Variants in ANKRD42 observed in about 807,000 individuals in gnomAD.
The protein encoded by ANKRD42 is ankyrin repeat domain-containing protein 42.
ANKRD42 carries 43 observed loss-of-function variants against 51.5 expected under a neutral mutation model. The ratio of observed to expected loss-of-function variants is 0.83; its 90% CI spans 0.65 to 1.08. The LOEUF is 1.08. Among genes scored for constraint, ANKRD42 ranks in the 50% least tolerant of loss-of-function variants. The probability of loss-of-function intolerance (pLI) is 0.00; values close to 1 mark genes in which losing one functional copy is unlikely to be tolerated. For missense variants in ANKRD42, 608 were observed against 629.3 expected, an observed-to-expected ratio of 0.97 and a Z score of 0.36; for synonymous variants, 203 against 213.0, an observed-to-expected ratio of 0.95 and a Z score of 0.41.
downstream of ANKRD42, chr11:83,259,002 TGTATTACGCTCACTCA>T: frequency 6.6e-6 from 1 of 152,162 alleles, no homozygotes; most frequent in East Asian, 1.9e-4. Context: ...GCCTAAAAGG[TGTATTACGCTCACTCA>T]GTATGAATGC....
intron 2 of ANKRD42, among the ~76,000 whole-genome samples, chr11:83,203,722 C>T (rs1861960037): frequency 6.6e-6 from 1 of 152,042 alleles, no homozygotes; most frequent in South Asian, 2.1e-4. Flanking sequence ...TACGTTAACA[C>T]CTTTACAGTT....
At chr11:83,210,801 A>G (rs1862285599) in intron 4 of ANKRD42, among the ~76,000 whole-genome samples, 1 of 152,186 alleles carries the variant, frequency 6.6e-6, no homozygotes, top group South Asian at 2.1e-4. Context: ...TTAGAAAGTG[A>G]TTTATTTCTT....
chr11:83,216,172 G>T (rs1232584686), intron 5 of ANKRD42, among the ~76,000 whole-genome samples: 2 of 152,136 alleles, frequency 1.3e-5, no homozygotes, highest in Non-Finnish European at 2.9e-5. Context: ...TTGTCTTTTA[G>T]TCTCATACTG....
At chr11:83,233,024 A>T (rs1158924627) in intron 7 of ANKRD42, among the ~76,000 whole-genome samples, 1 of 152,068 alleles carries the variant, frequency 6.6e-6, no homozygotes, top group Non-Finnish European at 1.5e-5. Flanking sequence ...TTCATCAGAG[A>T]TATTGGCTTG....
At chr11:83,213,033 C>A (rs1194479967) in intron 5 of ANKRD42, 2 of 1,599,732 alleles carry the variant, frequency 1.3e-6, no homozygotes, top group African/African-American at 2.7e-5. Context: ...CTTGTGAAGC[C>A]CAGGATCATC....
intron 3 of ANKRD42, among the ~76,000 whole-genome samples, chr11:83,208,217 G>T (rs185095704): frequency 1.3e-5 from 2 of 150,476 alleles, no homozygotes; most frequent in Non-Finnish European, 2.9e-5. Flanking sequence ...GTCTGTGGGA[G>T]GGGGGGGTCT....
chr11:83,227,099 A>G (rs1862909737), intron 6 of ANKRD42, among the ~76,000 whole-genome samples: 1 of 152,108 alleles, frequency 6.6e-6, no homozygotes, highest in South Asian at 2.1e-4. Context: ...ATAAGCAGAA[A>G]AGGAGAGGTC....
intron 2 of ANKRD42, among the ~76,000 whole-genome samples, chr11:83,202,953 C>G (rs1333127420): frequency 6.7e-6 from 1 of 149,862 alleles, no homozygotes; most frequent in Non-Finnish European, 1.5e-5. Flanking sequence ...GTGTCTAGCA[C>G]AGTGCCTAGC....
chr11:83,195,383 G>A (rs1415239773), intron 1 of ANKRD42, among the ~76,000 whole-genome samples: 1 of 152,144 alleles, frequency 6.6e-6, no homozygotes, highest in Non-Finnish European at 1.5e-5. Flanking sequence ...TATAAAGGAC[G>A]GTAGAATGCC....
rs1438936519 is a variant in ANKRD42, at chr11:83,248,224, C to T, written c.*20C>T. On this transcript the variant is annotated 3_prime_UTR_variant, in exon 11 of 11. Coordinates refer to ENST00000533342, the MANE Select transcript of ANKRD42 (RefSeq NM_001300975.2). ...TTTTGATTTGGGCTACTCATTTAAC[C>T]TTTTTGTGCCTCAACTATAAACTGG... 3 of 1,468,240 alleles carry T rather than the reference C, an allele frequency of 2.0e-6. No individual in the cohort carries two copies. Among genetic ancestry groups the T allele is most frequent in the South Asian group, 2.7e-5 (2 of 74,220 alleles). The allele number at this position is 1,468,240 out of a possible 1,614,324, so 91.0% of individuals were successfully genotyped here. A position where few individuals can be genotyped will look rare whatever the true frequency, so the allele number is the denominator to read the frequency against.
At chr11:83,198,158 A>T (rs547865762) in intron 1 of ANKRD42, among the ~76,000 whole-genome samples, 1 of 152,246 alleles carries the variant, frequency 6.6e-6, no homozygotes, top group Admixed American at 6.5e-5. Context: ...TGGCTCCAGG[A>T]CTGTATTTTT....
At chr11:83,195,998 A>G (rs984055805) in intron 1 of ANKRD42, among the ~76,000 whole-genome samples, 1 of 151,814 alleles carries the variant, frequency 6.6e-6, no homozygotes, top group African/African-American at 2.4e-5. Context: ...GGGGCCCACC[A>G]CCACACCCGG....
At chr11:83,229,745 A>G (rs1231511039) in intron 7 of ANKRD42, among the ~76,000 whole-genome samples, 1 of 152,190 alleles carries the variant, frequency 6.6e-6, no homozygotes, top group Non-Finnish European at 1.5e-5. Context: ...TCCATCCATC[A>G]AGGACTCCTA....
chr11:83,255,754 A>ATTTTTTTT, intron 11 of ANKRD42: 2 of 924,364 alleles, frequency 2.2e-6, no homozygotes, highest in Non-Finnish European at 3.1e-6. Context: ...AGCATGGTTA[A>ATTTTTTTT]TTTTTTTTTC....
At chr11:83,214,519 T>C (rs1180323375) in intron 5 of ANKRD42, 3 of 980,918 alleles carry the variant, frequency 3.1e-6, no homozygotes, top group African/African-American at 3.5e-5. Context: ...TTTATAATAA[T>C]ATAGATGTTA....
In ANKRD42 at chr11:83,210,325, T is replaced by G; in HGVS notation, c.356T>G (p.Leu119Arg). The change falls in exon 4 of 11, where the codon CTG (leucine) becomes CGG (arginine). Residue 119 changes from leucine to arginine, a missense_variant. Leu to Arg is a moderately radical substitution (Grantham distance 102, BLOSUM62 -2). Coordinates refer to ENST00000533342, the MANE Select transcript of ANKRD42 (RefSeq NM_001300975.2). ...VQALIMNGANLTAQDDRGCTP... is the reference protein window; with the variant it reads ...VQALIMNGANRTAQDDRGCTP... ...GCTCTTATAATGAATGGAGCAAATC[T>G]GACAGCCCAGGATGACCGGGGATGC... is the stretch of plus-strand genomic sequence containing the variant. 1 of 1,613,936 alleles carries G rather than the reference T, an allele frequency of 6.2e-7. No homozygotes were observed. Among genetic ancestry groups the G allele is most frequent in the Non-Finnish European group, 8.5e-7 (1 of 1,179,826 alleles).
chr11:83,256,328 C>G (rs114570763), downstream of ANKRD42, among the ~76,000 whole-genome samples: 3,405 of 152,220 alleles, frequency 0.022, 110 homozygotes, highest in African/African-American at 0.077. Flanking sequence ...GAGTACCTTT[C>G]ACTTCTAGTG....
intron 8 of ANKRD42, among the ~76,000 whole-genome samples, chr11:83,237,067 G>A (rs899342620): frequency 1.3e-5 from 2 of 152,130 alleles, no homozygotes; most frequent in African/African-American, 4.8e-5. Flanking sequence ...TGTTCGTTTG[G>A]TTGTTCTTTC....
intron 3 of ANKRD42, among the ~76,000 whole-genome samples, 160 bp downstream of exon 3, chr11:83,206,325 C>T (rs975946948): frequency 1.3e-5 from 2 of 152,226 alleles, no homozygotes; most frequent in Admixed American, 6.5e-5. Flanking sequence ...CAGCTATCCA[C>T]TTAAACAAAT....
Sources: allele counts gnomAD v4.1 joint callset (sites outside exome capture counted in the v4.1 genomes callset), GRCh38; gene constraint gnomAD v4.1.1; transcripts MANE v1.5; gene names NCBI Gene and HGNC (gene_info 2026-07-23, HGNC 2026-07-21).